The following DLGAP2 variants were observed in gnomAD, a reference collection of about 807,000 sequenced individuals.
The protein encoded by DLGAP2 is disks large-associated protein 2.
DLGAP2 carries 26 observed loss-of-function variants against 100.3 expected under a neutral mutation model. That is an observed-to-expected ratio of 0.26 (90% CI 0.19 to 0.36). DLGAP2 has a LOEUF of 0.36. Among genes scored for constraint, DLGAP2 ranks in the 10% least tolerant of loss-of-function variants. The pLI, the probability that DLGAP2 is intolerant of heterozygous loss-of-function variation, is 1.00. For missense variants in DLGAP2, 1,858 were observed against 1,453.2 expected (o/e 1.28, Z -4.53); for synonymous variants, 886 against 630.1 (o/e 1.41, Z -6.08).
chr8:941,759 A>G (rs1389241787), intron 2 of DLGAP2, among the ~76,000 whole-genome samples: 1 of 152,194 alleles, frequency 6.6e-6, no homozygotes, highest in African/African-American at 2.4e-5. Context: ...GGAAATTGCA[A>G]GCATATAATA....
chr8:1,471,531 C>T (rs1798791668), intron 3 of DLGAP2, among the ~76,000 whole-genome samples: 1 of 148,756 alleles, frequency 6.7e-6, no homozygotes, highest in African/African-American at 2.6e-5. Context: ...CCTCCCCTCC[C>T]CTCCCAGCCT....
chr8:1,308,432 A>G (rs1209250600), intron 3 of DLGAP2, among the ~76,000 whole-genome samples: 5 of 152,236 alleles, frequency 3.3e-5, no homozygotes, highest in African/African-American at 7.2e-5. Context: ...AGCCCCTTCT[A>G]ATATCCAAGT....
intron 3 of DLGAP2, among the ~76,000 whole-genome samples, chr8:1,466,066 C>T (rs921228447): frequency 1.3e-5 from 2 of 152,114 alleles, no homozygotes; most frequent in Non-Finnish European, 1.5e-5. Context: ...GTGACAGCGC[C>T]GTCTGCTTGT....
At chr8:1,202,849 T>C (rs17669107) in intron 2 of DLGAP2, among the ~76,000 whole-genome samples, 26,074 of 152,192 alleles carry the variant, frequency 0.17, 2,555 homozygotes, top group Admixed American at 0.24. Context: ...AAAGCAGCCA[T>C]GTCTTGTCTG....
chr8:1,407,425 C>G (rs1563127499), intron 3 of DLGAP2, among the ~76,000 whole-genome samples: 2 of 134,142 alleles, frequency 1.5e-5, no homozygotes, highest in South Asian at 5.6e-4. Context: ...CCTCCTTGTC[C>G]TCCAGAGTCG....
chr8:1,557,396 C>T (rs1002603667), intron 5 of DLGAP2, among the ~76,000 whole-genome samples: 5 of 152,088 alleles, frequency 3.3e-5, no homozygotes, highest in East Asian at 1.9e-4. Context: ...CCGATGGCCA[C>T]GGGTGTCCTC....
At chr8:1,489,517 A>C (rs1799317459) in intron 3 of DLGAP2, among the ~76,000 whole-genome samples, 1 of 152,222 alleles carries the variant, frequency 6.6e-6, no homozygotes, top group Non-Finnish European at 1.5e-5. Flanking sequence ...CTCATTCCAA[A>C]AAGGAAGACA....
At chr8:798,933 T>G (rs2132651435) in intron 1 of DLGAP2, among the ~76,000 whole-genome samples, 1 of 152,384 alleles carries the variant, frequency 6.6e-6, no homozygotes, top group Non-Finnish European at 1.5e-5. Context: ...AAACGCTTGT[T>G]GAGAGCCTTC....
chr8:1,290,434 G>A (rs1041900921), intron 3 of DLGAP2, among the ~76,000 whole-genome samples: 3 of 152,176 alleles, frequency 2.0e-5, no homozygotes, highest in African/African-American at 7.2e-5. Context: ...GCCATTCCAC[G>A]AGACTGTTGA....
At chr8:1,566,637 G>C (rs1802414195) in intron 6 of DLGAP2, among the ~76,000 whole-genome samples, 1 of 152,168 alleles carries the variant, frequency 6.6e-6, no homozygotes, top group African/African-American at 2.4e-5. Flanking sequence ...TCTCAGCCTT[G>C]GCCAGTGCCA....
At chr8:1,137,957 A>G (rs1796451990) in intron 2 of DLGAP2, among the ~76,000 whole-genome samples, 1 of 152,042 alleles carries the variant, frequency 6.6e-6, no homozygotes, top group African/African-American at 2.4e-5. Flanking sequence ...TGCTGGTCAC[A>G]AACTCCTGGC....
intron 3 of DLGAP2, among the ~76,000 whole-genome samples, chr8:1,459,973 C>T (rs778193574): frequency 6.6e-6 from 1 of 152,120 alleles, no homozygotes; most frequent in Non-Finnish European, 1.5e-5. Context: ...CACAGAGGTT[C>T]GGGACCTCGG....
intron 3 of DLGAP2, among the ~76,000 whole-genome samples, chr8:1,442,135 CCTCTGGGCTGCTGTGGGTT>C (rs1797851149): frequency 6.6e-6 from 1 of 152,228 alleles, no homozygotes; most frequent in South Asian, 2.1e-4. Context: ...AGGCATAGAC[CCTCTGGGCTGCTGTGGGTT>C]CAGCCACTGG....
chr8:1,497,925 G>T (rs970562389), intron 3 of DLGAP2, among the ~76,000 whole-genome samples: 1 of 152,186 alleles, frequency 6.6e-6, no homozygotes. Flanking sequence ...CACAGCCCGT[G>T]GCACAGCCCT....
chr8:773,422 G>C (rs193265485), intron 1 of DLGAP2, among the ~76,000 whole-genome samples: 1 of 150,702 alleles, frequency 6.6e-6, no homozygotes, highest in Non-Finnish European at 1.5e-5. Context: ...ATGTATACAT[G>C]TGCCATGCTG....
At chr8:1,245,748 C>G (rs933008097) in intron 2 of DLGAP2, among the ~76,000 whole-genome samples, 1 of 152,166 alleles carries the variant, frequency 6.6e-6, no homozygotes, top group African/African-American at 2.4e-5. Context: ...CTGAATAAAG[C>G]TGTTAGGAAT....
chr8:1,234,346 G>A (rs1250759161), intron 2 of DLGAP2, among the ~76,000 whole-genome samples: 1 of 152,148 alleles, frequency 6.6e-6, no homozygotes, highest in African/African-American at 2.4e-5. Flanking sequence ...GGAAGTACGT[G>A]TTCTAGGCAT....
intron 2 of DLGAP2, among the ~76,000 whole-genome samples, chr8:1,036,148 C>A (rs1283506833): frequency 4.0e-5 from 6 of 148,414 alleles, no homozygotes; most frequent in African/African-American, 1.5e-4. Context: ...CGCGTGTCAC[C>A]GCGAGTGGAT....
At position 1,563,948 on chromosome 8, in the gene DLGAP2, C is replaced by T. The variant is rs115383633; in HGVS notation, c.1231-1735C>T. Among the ~76,000 whole-genome samples the T allele has an allele frequency of 5.9e-3, 900 of 152,262 alleles. 9 individuals are homozygous for T. Among genetic ancestry groups the T allele is most frequent in the African/African-American group, 0.021 (855 of 41,536 alleles). ...TATTTTACAGCAAGGAAAAAAAATA[C>T]CCTGTCTGAAGACCTTTTAAATATG... On this transcript the variant is annotated intron_variant, in intron 5 of 14. Coordinates refer to ENST00000637795, the MANE Select transcript of DLGAP2 (RefSeq NM_001346810.2).
Sources: gnomAD v4.1 joint callset for allele counts (sites outside exome capture counted in the v4.1 genomes callset) on GRCh38, gnomAD v4.1.1 for gene constraint, MANE v1.5 for transcripts, NCBI Gene and HGNC (gene_info 2026-07-23, HGNC 2026-07-21) for gene names.